The following CLASP1 variants were observed in gnomAD, a reference collection of about 807,000 sequenced individuals.
CLASP1 encodes cytoplasmic linker associated protein 1.
CLASP1 carries 38 observed loss-of-function variants against 192.3 expected under a neutral mutation model. The ratio of observed to expected loss-of-function variants is 0.20; its 90% CI spans 0.15 to 0.26. CLASP1 has a LOEUF of 0.26. CLASP1 is among the 10% of genes least tolerant of loss of function. The pLI is 1.00. For synonymous variants in CLASP1, 691 were observed against 712.8 expected (o/e 0.97, Z 0.49); for missense variants, 1,433 against 1,932.5 (o/e 0.74, Z 4.85).
At chr2:121,629,855 CTT>C (rs34868278) in intron 1 of CLASP1, among the ~76,000 whole-genome samples, 3 of 151,846 alleles carry the variant, frequency 2.0e-5, no homozygotes, top group Non-Finnish European at 2.9e-5. Flanking sequence ...AAAATAAAAA[CTT>C]TTTTTTATAT....
chr2:121,399,781 A>T (rs2075870486), intron 28 of CLASP1, among the ~76,000 whole-genome samples: 2 of 152,206 alleles, frequency 1.3e-5, no homozygotes, highest in South Asian at 4.1e-4. Flanking sequence ...CACAATCTTA[A>T]TACTCCTACC....
intron 8 of CLASP1, among the ~76,000 whole-genome samples, chr2:121,474,385 C>T (rs1455232454): frequency 2.6e-5 from 4 of 152,264 alleles, no homozygotes; most frequent in Middle Eastern, 6.8e-3. Context: ...GTATCACAAA[C>T]CTTACTGAGA....
intron 1 of CLASP1, among the ~76,000 whole-genome samples, chr2:121,613,429 G>A (rs1279029291): frequency 6.6e-6 from 1 of 152,134 alleles, no homozygotes; most frequent in Non-Finnish European, 1.5e-5. Flanking sequence ...TCAACAGGAA[G>A]AAGTTTAAAA....
Position 121,447,312 on chromosome 2 carries a change from G to A in CLASP1, c.1912+25C>T, listed in dbSNP as rs372720630. On this transcript the variant is annotated intron_variant, in intron 19 of 39. Transcript: ENST00000263710. ...ATCTCTTGCAGAGCAGTGCAGGAGG[G>A]AAAGGGTGACAGGGGTGTGGTTACC... 1.0e-4 allele frequency: 162 copies of A among 1,576,180 alleles called. No homozygotes were observed. The African/African-American group carries it at 1.9e-3, about 18-fold the overall frequency.
chr2:121,480,514 C>T (rs1406791134), intron 8 of CLASP1, among the ~76,000 whole-genome samples: 12 of 152,218 alleles, frequency 7.9e-5, no homozygotes, highest in Admixed American at 7.8e-4. Flanking sequence ...ATCCACAGCT[C>T]GCACTGGGTA....
At chr2:121,406,477 GTTTTA>G (rs750623216) in intron 25 of CLASP1, among the ~76,000 whole-genome samples, 9 of 152,274 alleles carry the variant, frequency 5.9e-5, no homozygotes, top group Non-Finnish European at 1.2e-4. Flanking sequence ...CTGCAGAGTT[GTTTTA>G]TTTTATGTTT....
intron 37 of CLASP1, among the ~76,000 whole-genome samples, chr2:121,355,791 G>T (rs1181034048): frequency 1.3e-5 from 2 of 152,212 alleles, no homozygotes; most frequent in African/African-American, 4.8e-5. Context: ...GCCAGAAGTG[G>T]CAAGGATTTA....
chr2:121,400,169 G>A (rs2075952549), intron 28 of CLASP1, among the ~76,000 whole-genome samples: 1 of 151,996 alleles, frequency 6.6e-6, no homozygotes, highest in Non-Finnish European at 1.5e-5. Context: ...AAGTTTGAAA[G>A]CTTTATTGCA....
At chr2:121,519,001 CT>C (rs2150373370) in intron 6 of CLASP1, among the ~76,000 whole-genome samples, 1 of 152,354 alleles carries the variant, frequency 6.6e-6, no homozygotes, top group South Asian at 2.1e-4. Context: ...CAGAGCAAAT[CT>C]CAATGGGTGA....
chr2:121,411,342 A>G (rs1193339272), intron 23 of CLASP1, among the ~76,000 whole-genome samples: 1 of 152,234 alleles, frequency 6.6e-6, no homozygotes, highest in African/African-American at 2.4e-5. Flanking sequence ...AGAAAGCTTC[A>G]TGGTTTCATA....
intron 8 of CLASP1, among the ~76,000 whole-genome samples, chr2:121,499,362 G>A (rs1255907943): frequency 6.6e-6 from 1 of 152,200 alleles, no homozygotes; most frequent in East Asian, 1.9e-4. Flanking sequence ...AAAATGTCCT[G>A]AATAGGCAAA....
chr2:121,395,250 A>T (rs988702465), intron 30 of CLASP1, among the ~76,000 whole-genome samples: 2 of 152,184 alleles, frequency 1.3e-5, no homozygotes, highest in Admixed American at 6.5e-5. Flanking sequence ...ACTGTGAGAT[A>T]ATAAATCTGT....
At chr2:121,599,209 C>T (rs2063495668) in intron 2 of CLASP1, among the ~76,000 whole-genome samples, 1 of 151,708 alleles carries the variant, frequency 6.6e-6, no homozygotes, top group African/African-American at 2.4e-5. Context: ...TCTACCTTCC[C>T]TGTTAAGAAA....
intron 14 of CLASP1, among the ~76,000 whole-genome samples, chr2:121,456,111 T>G (rs1412229663): frequency 1.3e-5 from 2 of 152,170 alleles, no homozygotes; most frequent in Non-Finnish European, 2.9e-5. Context: ...GTGATACACA[T>G]GTTAAAGAGC....
intron 2 of CLASP1, chr2:121,530,994 C>G (rs949641745): frequency 2.9e-6 from 2 of 700,194 alleles, no homozygotes; most frequent in South Asian, 1.5e-5. Flanking sequence ...TATTTTGGTG[C>G]AATTTTTGGA....
Position 121,376,144 on chromosome 2 carries a change from G to C in CLASP1, c.3642+1355C>G, listed in dbSNP as rs542511463. Among the ~76,000 whole-genome samples the C allele has an allele frequency of 5.9e-5, 9 of 152,160 alleles. No homozygotes were observed. The East Asian group carries it at 1.7e-3, about 29-fold the overall frequency. ...GTGGTTTCTCAAAAACCTAAAAATG[G>C]AACTACCACACAACCAACAATTCCA... On this transcript the variant is annotated intron_variant, in intron 34 of 39. Coordinates refer to ENST00000263710, the Ensembl canonical transcript of CLASP1.
At chr2:121,608,955 A>G (rs1396451920) in intron 1 of CLASP1, among the ~76,000 whole-genome samples, 1 of 152,212 alleles carries the variant, frequency 6.6e-6, no homozygotes, top group Non-Finnish European at 1.5e-5. Context: ...ATATAATACT[A>G]TCTCTAATTC....
At chr2:121,496,883 A>C (rs2093556803) in intron 8 of CLASP1, among the ~76,000 whole-genome samples, 1 of 152,218 alleles carries the variant, frequency 6.6e-6, no homozygotes, top group African/African-American at 2.4e-5. Flanking sequence ...AATGGTATAT[A>C]ATTCAGCCAT....
intron 34 of CLASP1, 107 bp from the exon 36 acceptor site, chr2:121,367,938 T>A (rs1336207541): frequency 6.9e-7 from 1 of 1,441,324 alleles, no homozygotes; most frequent in Non-Finnish European, 9.4e-7. Context: ...GAAATATGTA[T>A]GGCCAGTGAC....
Sources: allele counts gnomAD v4.1 joint callset (sites outside exome capture counted in the v4.1 genomes callset), GRCh38; gene constraint gnomAD v4.1.1; transcripts MANE v1.5; gene names NCBI Gene and HGNC (gene_info 2026-07-23, HGNC 2026-07-21).